The following FBXO4 variants were observed in gnomAD, a reference collection of about 807,000 sequenced individuals.
The protein encoded by FBXO4 is F-box only protein 4.
In FBXO4, 36 loss-of-function variants were observed where a neutral mutation model predicts 43.7. The observed-to-expected ratio is 0.82, with a 90% CI of 0.63 to 1.09. The LOEUF (loss-of-function observed/expected upper bound fraction) is 1.09. Among genes scored for constraint, FBXO4 ranks in the 50% least tolerant of loss-of-function variants. FBXO4 has a pLI of 0.00. For synonymous variants in FBXO4, 180 were observed against 165.6 expected, an observed-to-expected ratio of 1.09 and a Z score of -0.67; for missense variants, 435 against 474.1, an observed-to-expected ratio of 0.92 and a Z score of 0.77.
At chr5:42,021,416 T>C in the FBXO4 span, among the ~76,000 whole-genome samples, 2 of 152,150 alleles carry the variant, frequency 1.3e-5, no homozygotes, top group Non-Finnish European at 2.9e-5. Context: ...TTAGATCATA[T>C]TGTCATTGAA....
intron 5 of FBXO4, 73 bp downstream of exon 5, chr5:41,934,381 T>C (rs1751793785): frequency 6.3e-7 from 1 of 1,592,532 alleles, no homozygotes; most frequent in Non-Finnish European, 8.5e-7. Context: ...TTTTAGACTT[T>C]ACTGTGGCTT....
the FBXO4 span, among the ~76,000 whole-genome samples, chr5:42,006,565 A>G: frequency 1.3e-5 from 2 of 152,174 alleles, no homozygotes; most frequent in East Asian, 3.9e-4. Context: ...AATTACATTT[A>G]AAAAGTCAAT....
At chr5:41,934,876 G>A (rs1034664077) in intron 5 of FBXO4, 1 of 986,854 alleles carries the variant, frequency 1.0e-6, no homozygotes, top group Non-Finnish European at 1.2e-6. Flanking sequence ...ATTGGGCCAT[G>A]AGCTAGTATT....
At chr5:41,947,197 G>A in the FBXO4 span, among the ~76,000 whole-genome samples, 1 of 152,088 alleles carries the variant, frequency 6.6e-6, no homozygotes, top group Non-Finnish European at 1.5e-5. Flanking sequence ...AAAGTACCTG[G>A]AATATTTGAG....
chr5:42,028,485 C>T, the FBXO4 span, among the ~76,000 whole-genome samples: 2 of 151,640 alleles, frequency 1.3e-5, no homozygotes, highest in African/African-American at 2.4e-5. Flanking sequence ...TTCAGCTGCT[C>T]TATGACCTCT....
the FBXO4 span, among the ~76,000 whole-genome samples, chr5:41,950,564 C>G: frequency 6.6e-6 from 1 of 152,194 alleles, no homozygotes; most frequent in Non-Finnish European, 1.5e-5. Context: ...CAGGAAACAA[C>G]AGATTCTAGA....
chr5:42,022,630 C>T, the FBXO4 span, among the ~76,000 whole-genome samples: 179 of 152,134 alleles, frequency 1.2e-3, no homozygotes, highest in African/African-American at 3.6e-3. Flanking sequence ...CTCTGACAGA[C>T]GGCATTATCT....
At chr5:42,001,424 G>T in the FBXO4 span, among the ~76,000 whole-genome samples, 1 of 152,172 alleles carries the variant, frequency 6.6e-6, no homozygotes, top group African/African-American at 2.4e-5. Context: ...TAGAGACGGG[G>T]TTTCGCCATG....
At chr5:41,967,846 T>C in the FBXO4 span, 14 of 591,200 alleles carry the variant, frequency 2.4e-5, no homozygotes, top group Admixed American at 1.9e-4. Flanking sequence ...ATTGATTAAA[T>C]TCAACAATTC....
At chr5:41,977,880 C>T in the FBXO4 span, among the ~76,000 whole-genome samples, 4 of 152,230 alleles carry the variant, frequency 2.6e-5, no homozygotes, top group Non-Finnish European at 5.9e-5. Context: ...TCCAAAGCTG[C>T]TTCCACATTT....
At chr5:41,974,347 A>G in the FBXO4 span, among the ~76,000 whole-genome samples, 259 of 152,088 alleles carry the variant, frequency 1.7e-3, no homozygotes, top group African/African-American at 6.1e-3. Context: ...TTTCAATTAC[A>G]TGTATGTTAG....
the FBXO4 span, among the ~76,000 whole-genome samples, chr5:42,016,017 A>G: frequency 6.6e-6 from 1 of 152,194 alleles, no homozygotes; most frequent in Non-Finnish European, 1.5e-5. Context: ...GCATTTAGGT[A>G]GAAATGTTAA....
chr5:42,031,353 C>T, the FBXO4 span, among the ~76,000 whole-genome samples: 3 of 150,052 alleles, frequency 2.0e-5, no homozygotes, highest in Non-Finnish European at 1.5e-5. Flanking sequence ...CAAACTATCA[C>T]AAGGACAAAA....
chr5:41,934,226 G>T lies in FBXO4; in HGVS notation c.816G>T (p.Arg272=). The T allele has an allele frequency of 6.2e-7, 1 of 1,614,102 alleles. No individual in the cohort carries two copies. The highest frequency in any genetic ancestry group is 8.5e-7 in the Non-Finnish European group (1 of 1,180,004). The stretch of plus-strand genomic sequence containing the variant: ...AAGGTGATGATCAACAAGGAAGCCG[G>T]TACAGTGTGATTCCACAGATTCAAA... ...HNEGDDQQGS[R]YSVIPQIQKV... Residue 272 remains arginine (R), a synonymous_variant, in exon 5 of 7, where the codon CGG becomes CGT. Coordinates refer to ENST00000281623, the MANE Select transcript of FBXO4 (RefSeq NM_012176.3).
the FBXO4 span, among the ~76,000 whole-genome samples, chr5:42,024,221 A>G: frequency 2.0e-5 from 3 of 152,002 alleles, 1 homozygote; most frequent in South Asian, 2.1e-4. Context: ...TTGTTATTTA[A>G]TTTATATGTG....
the FBXO4 span, among the ~76,000 whole-genome samples, chr5:41,960,286 G>A: frequency 6.6e-6 from 1 of 151,822 alleles, no homozygotes; most frequent in Non-Finnish European, 1.5e-5. Context: ...TATATATAAT[G>A]TAATCTATGA....
Position 41,927,048 on chromosome 5 carries a change from A to G in FBXO4, c.225A>G (p.Ser75=), listed in dbSNP as rs899245835. The change falls in exon 2 of 7, where the codon TCA becomes TCG. Residue 75 remains serine, a synonymous_variant. Coordinates refer to ENST00000281623, the MANE Select transcript of FBXO4 (RefSeq NM_012176.3). ...DVQLYILSFL[S]PHDLCQLGST... ...AGCTATATATTTTGTCCTTTCTTTC[A>G]CCTCATGATCTGTGTCAGTTGGGAA... 3 of 1,611,742 alleles carry G rather than the reference A, an allele frequency of 1.9e-6. No individual in the cohort carries two copies. The African/African-American group carries it at 4.0e-5, about 22-fold the overall frequency.
At chr5:42,007,989 C>T in the FBXO4 span, among the ~76,000 whole-genome samples, 38 of 151,872 alleles carry the variant, frequency 2.5e-4, no homozygotes, top group African/African-American at 8.9e-4. Context: ...GAAAGAACAG[C>T]CACAAGAAAA....
At chr5:41,947,270 T>G in the FBXO4 span, among the ~76,000 whole-genome samples, 21 of 152,284 alleles carry the variant, frequency 1.4e-4, no homozygotes, top group South Asian at 1.5e-3. Context: ...AATTAAGAGA[T>G]AAAATCACCT....
Sources: gnomAD v4.1 joint callset for allele counts (sites outside exome capture counted in the v4.1 genomes callset) on GRCh38, gnomAD v4.1.1 for gene constraint, MANE v1.5 for transcripts, NCBI Gene and HGNC (gene_info 2026-07-23, HGNC 2026-07-21) for gene names.